Variants in WDR49 observed in about 807,000 individuals in gnomAD.
The protein encoded by WDR49 is WD repeat domain 49.
Under a neutral mutation model 119.5 loss-of-function variants are expected in WDR49, and 107 were observed. The observed-to-expected ratio is 0.90, with a 90% CI of 0.77 to 1.05. The LOEUF is 1.05. WDR49 is among the 50% of genes least tolerant of loss of function. The probability of loss-of-function intolerance (pLI) is 0.00; values close to 1 mark genes in which losing one functional copy is unlikely to be tolerated. For missense variants in WDR49, 1,240 were observed against 1,220.5 expected, an observed-to-expected ratio of 1.02 and a Z score of -0.24; for synonymous variants, 425 against 418.8, an observed-to-expected ratio of 1.01 and a Z score of -0.18.
intron 17 of WDR49, 21 bp downstream of exon 17, chr3:167,505,286 T>C: frequency 6.8e-7 from 1 of 1,461,706 alleles, no homozygotes; most frequent in Non-Finnish European, 9.0e-7. Flanking sequence ...TAAAAATACA[T>C]TAACAACAGT....
chr3:167,656,909 T>A (rs1718617606), upstream of WDR49, among the ~76,000 whole-genome samples: 1 of 152,180 alleles, frequency 6.6e-6, no homozygotes. Context: ...CCTTCTCCTG[T>A]AGGGATCAGA....
At chr3:167,483,332 C>T (rs971661701) in intron 18 of WDR49, among the ~76,000 whole-genome samples, 8 of 152,172 alleles carry the variant, frequency 5.3e-5, no homozygotes, top group African/African-American at 1.9e-4. Flanking sequence ...CAGAATGTTA[C>T]TTCCGAAATT....
intron 4 of WDR49, 86 bp from the exon 5 acceptor site, chr3:167,620,689 T>G: frequency 7.8e-7 from 1 of 1,277,946 alleles, no homozygotes; most frequent in Non-Finnish European, 1.0e-6. Flanking sequence ...TAATAAGGAA[T>G]AGCTATTAAC....
chr3:167,642,391 A>G (rs905055022), intron 2 of WDR49, among the ~76,000 whole-genome samples: 9 of 152,056 alleles, frequency 5.9e-5, no homozygotes, highest in Non-Finnish European at 1.2e-4. Context: ...ATTACAGAAT[A>G]AAGCATACAA....
chr3:167,528,123 C>T (rs116173971), intron 14 of WDR49, 106 bp from the exon 15 acceptor site: 5 of 877,844 alleles, frequency 5.7e-6, no homozygotes, highest in Admixed American at 6.2e-5. Context: ...GGAACAATAA[C>T]CTATGATCCA....
chr3:167,518,865 C>A (rs1380746718), intron 16 of WDR49, among the ~76,000 whole-genome samples: 1 of 149,782 alleles, frequency 6.7e-6, no homozygotes, highest in Non-Finnish European at 1.5e-5. Flanking sequence ...AAAATTTTTG[C>A]AACTTATCCA....
At chr3:167,541,597 A>G (rs1711835973) in intron 10 of WDR49, among the ~76,000 whole-genome samples, 1 of 152,172 alleles carries the variant, frequency 6.6e-6, no homozygotes, top group Non-Finnish European at 1.5e-5. Flanking sequence ...CTTAAAGCAC[A>G]AATCTCACAG....
At chr3:167,563,975 T>C (rs1229914272) in intron 8 of WDR49, among the ~76,000 whole-genome samples, 3 of 152,248 alleles carry the variant, frequency 2.0e-5, no homozygotes, top group Admixed American at 6.5e-5. Flanking sequence ...AAGAAAAGAC[T>C]TGATTACCTG....
chr3:167,549,207 C>G (rs1052418295), intron 10 of WDR49, among the ~76,000 whole-genome samples: 2 of 152,128 alleles, frequency 1.3e-5, no homozygotes, highest in African/African-American at 2.4e-5. Context: ...GGTATATGCC[C>G]AGTAATGGGA....
At chr3:167,655,837 G>T (rs1192782150), upstream of WDR49, among the ~76,000 whole-genome samples, 1 of 152,144 alleles carries the variant, frequency 6.6e-6, no homozygotes, top group Non-Finnish European at 1.5e-5. Flanking sequence ...GGCGGAGGTT[G>T]CAGTGAGCCA....
chr3:167,604,569 C>G, intron 5 of WDR49, 101 bp from the exon 6 acceptor site: 2 of 1,200,770 alleles, frequency 1.7e-6, no homozygotes, highest in Non-Finnish European at 2.2e-6. Flanking sequence ...AAATTAAACT[C>G]AAACTATGAT....
At position 167,573,584 on chromosome 3, in the gene WDR49, C is replaced by T. The variant is rs1410723279; in HGVS notation, c.1509+2334G>A. Among the ~76,000 whole-genome samples, 3 of 152,074 alleles carry T rather than the reference C, an allele frequency of 2.0e-5. No homozygotes were observed. In the East Asian group the frequency reaches 5.8e-4, roughly 29 times the overall value. On this transcript the variant is annotated intron_variant, in intron 8 of 18. Coordinates refer to ENST00000682715, the MANE Select transcript of WDR49 (RefSeq NM_001366157.1). ...CACACATCATGCAGCCTCTAGAAAA[C>T]TCCACTGTACACTTTTGAGAGAGTG... is the stretch of plus-strand genomic sequence containing the variant.
chr3:167,604,406 C>A lies in WDR49; in HGVS notation c.1021G>T (p.Val341Leu). 6.2e-7 allele frequency: 1 copy of A among 1,613,624 alleles called. No homozygotes were observed. Among genetic ancestry groups the A allele is most frequent in the Non-Finnish European group, 8.5e-7 (1 of 1,179,844 alleles). ...SSTTSNTNSV[V>L]MAWREKSKKR... ...TTTGATTTCTCTCTCCAAGCCATCA[C>A]CACACTATTTGTATTGCTGGTTGTA... Residue 341 changes from valine to leucine, a missense_variant, in exon 6 of 19, where the codon GTG (valine) becomes TTG (leucine). Coordinates refer to ENST00000682715, the MANE Select transcript of WDR49 (RefSeq NM_001366157.1).
chr3:167,507,385 A>G (rs578032472), intron 16 of WDR49, among the ~76,000 whole-genome samples: 1 of 152,330 alleles, frequency 6.6e-6, no homozygotes, highest in African/African-American at 2.4e-5. Flanking sequence ...AGAAATAATG[A>G]TATCCTTAGA....
At chr3:167,514,628 GACACAC>G (rs59265631) in intron 16 of WDR49, among the ~76,000 whole-genome samples, 1,559 of 141,010 alleles carry the variant, frequency 0.011, 20 homozygotes, top group Non-Finnish European at 0.011. Flanking sequence ...AGGAGATGCA[GACACAC>G]ACACACACAC....
intron 2 of WDR49, among the ~76,000 whole-genome samples, chr3:167,633,112 T>G (rs1717448083): frequency 6.6e-6 from 1 of 151,864 alleles, no homozygotes. Context: ...TGTGTGTGTG[T>G]GTGTGTGTAA....
Position 167,621,595 on chromosome 3 carries a change from A to G in WDR49, c.655T>C (p.Ser219Pro). The G allele has an allele frequency of 6.5e-7, 1 of 1,535,074 alleles. No individual in the cohort carries two copies. Among genetic ancestry groups the G allele is most frequent in the Non-Finnish European group, 8.7e-7 (1 of 1,146,258 alleles). ...SKEVCFYDLL[S>P]KEEFACQYKL... is the part of the protein sequence containing the mutation. ...TATTGGCAAGCAAATTCTTCTTTGG[A>G]CAGCAGATCATAGAAACAAACCTCT... The change falls in exon 4 of 19, where the codon TCC becomes CCC. Residue 219 changes from serine (S) to proline (P), a missense_variant. Ser to Pro is a moderately conservative substitution (Grantham distance 74). Coordinates refer to ENST00000682715, the MANE Select transcript of WDR49 (RefSeq NM_001366157.1).
intron 7 of WDR49, among the ~76,000 whole-genome samples, chr3:167,579,053 C>T (rs551085242): frequency 3.3e-5 from 5 of 152,188 alleles, no homozygotes; most frequent in African/African-American, 1.2e-4. Flanking sequence ...TTCCCCTACT[C>T]GCACTTCTCT....
Position 167,621,545 on chromosome 3 carries a change from T to C in WDR49, c.705A>G (p.Thr235=), listed in dbSNP as rs1266503406. Residue 235 remains threonine, a synonymous_variant, in exon 4 of 19, where the codon ACA becomes ACG. Coordinates refer to ENST00000682715, the MANE Select transcript of WDR49 (RefSeq NM_001366157.1). ...CATACCAATAATCCATGCAAATTGG[T>C]GTTCCTTTCAGGCCTTGGAGTTTGT... ...CQYKLQGLKG[T]PICMDYWYDP... 5 of 1,535,688 alleles carry C rather than the reference T, an allele frequency of 3.3e-6. No homozygotes were observed. The highest frequency in any genetic ancestry group is 4.4e-6 in the Non-Finnish European group (5 of 1,146,494).
Sources: gnomAD v4.1 joint callset for allele counts (sites outside exome capture counted in the v4.1 genomes callset) on GRCh38, gnomAD v4.1.1 for gene constraint, MANE v1.5 for transcripts, NCBI Gene and HGNC (gene_info 2026-07-23, HGNC 2026-07-21) for gene names.